The following AMZ1 variants were observed in gnomAD, a reference collection of about 807,000 sequenced individuals.
The protein encoded by AMZ1 is archaemetzincin-1.
In AMZ1, 39 loss-of-function variants were observed where a neutral mutation model predicts 29.9. That is an observed-to-expected ratio of 1.30 (90% CI 1.01 to 1.70). The LOEUF (loss-of-function observed/expected upper bound fraction) is 1.70, where lower values mean the gene tolerates loss of function less well. Ranked by LOEUF, AMZ1 falls within the 40% of genes most tolerant of loss-of-function variation. The pLI is 0.00. For missense variants in AMZ1, 1,041 were observed against 680.6 expected (o/e 1.53, Z -5.89); for synonymous variants, 458 against 304.0 (o/e 1.51, Z -5.27).
chr7:2,712,709 T>G lies in AMZ1; in HGVS notation c.1328T>G (p.Phe443Cys). The change falls in exon 7 of 7, where the codon TTC (phenylalanine) becomes TGC (cysteine). Residue 443 changes from phenylalanine to cysteine, a missense_variant. Phe to Cys is a radical substitution (Grantham distance 205, BLOSUM62 -2). Coordinates refer to ENST00000683327, the MANE Select transcript of AMZ1 (RefSeq NM_001384743.1). ...GACGCCCTCGACCGCTGGGAGATGTTCACGGGCCAGCTCCCGGCCACCAGG... is the reference window on the plus strand; with the variant it reads ...GACGCCCTCGACCGCTGGGAGATGTGCACGGGCCAGCTCCCGGCCACCAGG... ...AVDALDRWEMFTGQLPATRQD... is the reference protein window; with the variant it reads ...AVDALDRWEMCTGQLPATRQD... 1.2e-6 allele frequency: 2 copies of G among 1,610,906 alleles called. No homozygotes were observed. Among genetic ancestry groups the G allele is most frequent in the Non-Finnish European group, 1.7e-6 (2 of 1,178,790 alleles).
chr7:2,702,714 C>G lies in AMZ1; in HGVS notation c.305-8C>G. 6.6e-7 allele frequency: 1 copy of G among 1,522,594 alleles called. No homozygotes were observed. The highest frequency in any genetic ancestry group is 8.8e-7 in the Non-Finnish European group (1 of 1,135,260). 94.3% of individuals were successfully genotyped at this position (1,522,594 alleles called of 1,614,324 possible). A position where few individuals can be genotyped will look rare whatever the true frequency, so the allele number is the denominator to read the frequency against. ...GTCGCAGGGCTGACGGTGCTGCTCT[C>G]CCACCAGACCTGAGCGAGGAGCCGG... is the stretch of plus-strand genomic sequence containing the variant. On this transcript the variant is annotated splice_region_variant and splice_polypyrimidine_tract_variant and intron_variant, in intron 2 of 6. Transcript: ENST00000683327.
At chr7:2,712,220 TGGGTAACTGAGGACGGTG>T in intron 6 of AMZ1, 92 bp from the exon 7 acceptor site, 2 of 1,201,994 alleles carry the variant, frequency 1.7e-6, no homozygotes, top group Non-Finnish European at 2.3e-6. Flanking sequence ...CTCCCGCCCC[TGGGTAACTGAGGACGGTG>T]GGGTCCCCTT....
At chr7:2,738,488 A>G (rs769865206) in intron 4 of AMZ1, among the ~76,000 whole-genome samples, 3 of 152,226 alleles carry the variant, frequency 2.0e-5, no homozygotes, top group Non-Finnish European at 4.4e-5. Flanking sequence ...AAGGAAAAGC[A>G]CAAGGCACGA....
intron 3 of AMZ1, among the ~76,000 whole-genome samples, chr7:2,704,997 A>G (rs1018299191): frequency 1.3e-5 from 2 of 152,150 alleles, no homozygotes; most frequent in Admixed American, 6.5e-5. Context: ...CGATGATTAC[A>G]CTATCTGGAG....
intron 3 of AMZ1, among the ~76,000 whole-genome samples, chr7:2,707,008 G>T (rs7455838): frequency 2.6e-5 from 4 of 152,016 alleles, no homozygotes; most frequent in East Asian, 1.9e-4. Flanking sequence ...GCTGTGGTGG[G>T]TCATGCCTGT....
chr7:2,729,592 C>T (rs1789783354), intron 4 of AMZ1: 1 of 152,364 alleles, frequency 6.6e-6, no homozygotes, highest in Non-Finnish European at 1.5e-5. Flanking sequence ...CTGCATCTGC[C>T]CCAAGGGCTT....
chr7:2,750,306 A>G (rs1790971174), intron 4 of AMZ1, among the ~76,000 whole-genome samples: 1 of 152,218 alleles, frequency 6.6e-6, no homozygotes, highest in South Asian at 2.1e-4. Context: ...CAGACAGGCA[A>G]ATGCAGAGAA....
rs368112126 is a variant in AMZ1 at position 2,712,298 on chromosome 7, G to A, written c.949-32G>A. ...CCCTGGCTAGACAAGGGCTGGCACG[G>A]AGCAAACTCAGCCTGTGTTTCTCCC... On this transcript the variant is annotated intron_variant, in intron 6 of 6. Transcript: ENST00000683327. 2.0e-5 allele frequency: 31 copies of A among 1,526,126 alleles called. No homozygotes were observed. In the African/African-American group the frequency reaches 4.3e-4, roughly 21 times the overall value. 94.5% of individuals were successfully genotyped at this position (1,526,126 alleles called of 1,614,324 possible).
intron 6 of AMZ1, 21 bp downstream of exon 6, chr7:2,709,837 GC>G (rs1210643600): frequency 6.2e-7 from 1 of 1,609,438 alleles, no homozygotes; most frequent in African/African-American, 1.3e-5. Context: ...GAGTTGCGCT[GC>G]CCGGCTGCTG....
chr7:2,744,520 C>T lies in AMZ1; in HGVS notation n.551-20192C>T, dbSNP rs532273420. Among the ~76,000 whole-genome samples, 210 of 152,224 alleles carry T rather than the reference C, an allele frequency of 1.4e-3. 2 individuals carry two copies. Among genetic ancestry groups the T allele is most frequent in the African/African-American group, 4.6e-3 (189 of 41,536 alleles). ...CATCCACACCAAAAACCCATCTGTA[C>T]GTCACCATCATCAAAGACCAAAGGT... is the stretch of plus-strand genomic sequence containing the variant. On this transcript the variant is annotated intron_variant and non_coding_transcript_variant, in intron 4 of 4. Transcript: ENST00000489665.
At chr7:2,686,331 G>C (rs1409295991), upstream of AMZ1, among the ~76,000 whole-genome samples, 1 of 152,178 alleles carries the variant, frequency 6.6e-6, no homozygotes, top group African/African-American at 2.4e-5. Flanking sequence ...CCAGGAGTTT[G>C]AGACCAGCTT....
chr7:2,734,809 G>A (rs903617403), intron 4 of AMZ1, among the ~76,000 whole-genome samples: 1 of 152,216 alleles, frequency 6.6e-6, no homozygotes, highest in East Asian at 1.9e-4. Context: ...TCTGTGGCAG[G>A]ACGGGGCGAG....
chr7:2,716,700 C>A lies in AMZ1; in HGVS notation c.*3822C>A, dbSNP rs1225917384. ...GCCAGGCCTCGGAGAGAGGGACCGG[C>A]TGCCCTGCCCAAGGCCCACCTGGAC... is the stretch of plus-strand genomic sequence containing the variant. On this transcript the variant is annotated 3_prime_UTR_variant, in exon 7 of 7. Transcript: ENST00000683327. 6.6e-6 allele frequency among the ~76,000 whole-genome samples: 1 copy of A among 152,244 alleles called. No homozygotes were observed. The highest frequency in any genetic ancestry group is 2.4e-5 in the African/African-American group (1 of 41,464).
chr7:2,736,276 C>G (rs1037018414), intron 4 of AMZ1, among the ~76,000 whole-genome samples: 1 of 152,306 alleles, frequency 6.6e-6, no homozygotes, highest in South Asian at 2.1e-4. Flanking sequence ...TGCGGTCACA[C>G]GATCTAGAAA....
chr7:2,717,286 G>T lies in AMZ1; in HGVS notation c.*4408G>T, dbSNP rs1789183758. On this transcript the variant is annotated 3_prime_UTR_variant, in exon 7 of 7. Transcript: ENST00000683327. ...ATTTTTATCCCCGTGAAGACGGAGAGAATCAGGGCTTCGCGACGGGGCTCA... is the reference window on the plus strand; with the variant it reads ...ATTTTTATCCCCGTGAAGACGGAGATAATCAGGGCTTCGCGACGGGGCTCA... Among the ~76,000 whole-genome samples, 1 of 152,184 alleles carries T rather than the reference G, an allele frequency of 6.6e-6. No homozygotes were observed. The highest frequency in any genetic ancestry group is 6.5e-5 in the Admixed American group (1 of 15,290).
intron 4 of AMZ1, chr7:2,729,653 TCGGGG>T (rs1789788574): frequency 6.6e-6 from 1 of 152,086 alleles, no homozygotes; most frequent in South Asian, 2.1e-4. Flanking sequence ...GCAGAGGGGC[TCGGGG>T]CTCGGGGCAG....
intron 3 of AMZ1, among the ~76,000 whole-genome samples, chr7:2,704,055 A>AT (rs1353188071): frequency 2.0e-5 from 3 of 152,028 alleles, no homozygotes; most frequent in South Asian, 2.1e-4. Flanking sequence ...TGCCCAGCTA[A>AT]TTTTTTTGTA....
At chr7:2,681,133 A>G (rs1249740522) in intron 1 of AMZ1, among the ~76,000 whole-genome samples, 5 of 152,216 alleles carry the variant, frequency 3.3e-5, no homozygotes, top group Non-Finnish European at 7.3e-5. Context: ...GAGCGGGGCC[A>G]TGGCTGAGCT....
chr7:2,719,226 C>G lies in AMZ1; in HGVS notation c.*6348C>G, dbSNP rs1384264467. 6.6e-6 allele frequency among the ~76,000 whole-genome samples: 1 copy of G among 152,180 alleles called. No homozygotes were observed. The highest frequency in any genetic ancestry group is 2.4e-5 in the African/African-American group (1 of 41,422). ...GTGGCCCCTGTCGGAAGGGGGGTGT[C>G]TCTTTATTCCTGCCATCCTCCGGCC... On this transcript the variant is annotated 3_prime_UTR_variant, in exon 7 of 7. Coordinates refer to ENST00000683327, the MANE Select transcript of AMZ1 (RefSeq NM_001384743.1).
Sources: gnomAD v4.1 joint callset for allele counts (sites outside exome capture counted in the v4.1 genomes callset) on GRCh38, gnomAD v4.1.1 for gene constraint, MANE v1.5 for transcripts, NCBI Gene and HGNC (gene_info 2026-07-23, HGNC 2026-07-21) for gene names.